FLNB: variants seen among roughly 807,000 people sequenced by gnomAD.
The protein encoded by FLNB is filamin-B.
Under a neutral mutation model 250.6 loss-of-function variants are expected in FLNB, and 111 were observed. That is an observed-to-expected ratio of 0.44 (90% confidence interval 0.38 to 0.52). The LOEUF (loss-of-function observed/expected upper bound fraction) is 0.52. Ranked by LOEUF, FLNB falls within the 20% of genes least tolerant of loss-of-function variation. The pLI, the probability that FLNB is intolerant of heterozygous loss-of-function variation, is 0.00. For synonymous variants in FLNB, 1,302 were observed against 1,372.1 expected (o/e 0.95, Z 1.13); for missense variants, 2,869 against 3,447.8 (o/e 0.83, Z 4.20).
At chr3:58,138,224 T>C (rs2097319898) in intron 28 of FLNB, 58 bp from the exon 29 acceptor site, 3 of 1,610,832 alleles carry the variant, frequency 1.9e-6, no homozygotes, top group Non-Finnish European at 2.5e-6. Flanking sequence ...TGATTTGTTC[T>C]TGGGCCTCCA....
At chr3:58,014,492 C>G (rs1052741823) in intron 1 of FLNB, among the ~76,000 whole-genome samples, 5 of 152,236 alleles carry the variant, frequency 3.3e-5, no homozygotes, top group African/African-American at 9.6e-5. Flanking sequence ...AGCCAGCATG[C>G]CAGTCGGCAG....
chr3:58,146,989 C>T lies in FLNB; in HGVS notation c.5724C>T (p.Ile1908=), dbSNP rs764906046. The T allele has an allele frequency of 1.2e-6, 2 of 1,613,900 alleles. No homozygotes were observed. The highest frequency in any genetic ancestry group is 1.7e-6 in the Non-Finnish European group (2 of 1,180,000). ...HIPGSPFTAK[I]TDDSRRCSQV... is the part of the protein sequence containing the mutation. ...CTGGCAGCCCCTTCACAGCCAAGAT[C>T]ACAGGTAGGGTTGTCTGGCTTCTGG... Residue 1908 remains isoleucine (I), a synonymous_variant, in exon 34 of 46, where the codon ATC becomes ATT. Transcript: ENST00000295956.
chr3:58,105,014 G>A (rs533420722), intron 10 of FLNB, 66 bp from the exon 11 acceptor site: 2 of 1,604,814 alleles, frequency 1.2e-6, no homozygotes, highest in Admixed American at 1.7e-5. Context: ...AGGAACTGCA[G>A]CTTATGGCTA....
At position 58,096,197 on chromosome 3, in the gene FLNB, C is replaced by G. The variant is rs1210835784; in HGVS notation, c.963C>G (p.Pro321=). 6.2e-7 allele frequency: 1 copy of G among 1,613,780 alleles called. No individual in the cohort carries two copies. The highest frequency in any genetic ancestry group is 8.5e-7 in the Non-Finnish European group (1 of 1,179,836). The change falls in exon 6 of 46, where the codon CCC becomes CCG. Residue 321 remains proline, a synonymous_variant. Transcript: ENST00000295956. The part of the protein sequence containing the change: ...KNKTYSVEYL[P]KVTGLHKVTV... ...AGACATACTCTGTGGAGTATCTGCC[C>G]AAGGTCACCGGGCTACACAAAGTAA...
chr3:58,134,344 C>T (rs187738120), intron 26 of FLNB, among the ~76,000 whole-genome samples: 5 of 152,248 alleles, frequency 3.3e-5, no homozygotes, highest in Admixed American at 2.6e-4. Context: ...CCCACCAGGC[C>T]CCCTGGTCTT....
chr3:58,136,089 C>T lies in FLNB; in HGVS notation c.4782C>T (p.Tyr1594=), dbSNP rs779187199. 3.1e-6 allele frequency: 5 copies of T among 1,614,088 alleles called. No individual in the cohort carries two copies. The highest frequency in any genetic ancestry group is 1.3e-5 in the African/African-American group (1 of 74,934). ...KTGRYMIGVT[Y]GGDDIPLSPY... Reference sequence around the variant, plus strand: ...GGCGCTATATGATTGGAGTCACCTACGGGGGTGACGACATCCCACTTTCTC... The same window carrying T: ...GGCGCTATATGATTGGAGTCACCTATGGGGGTGACGACATCCCACTTTCTC... The change falls in exon 28 of 46, where the codon TAC becomes TAT. Residue 1594 remains tyrosine (Y), a synonymous_variant. Transcript: ENST00000295956.
intron 1 of FLNB, among the ~76,000 whole-genome samples, chr3:58,052,266 TAATC>T (rs1222508278): frequency 1.3e-5 from 2 of 152,190 alleles, no homozygotes; most frequent in African/African-American, 4.8e-5. Flanking sequence ...TAGGAAAAAT[TAATC>T]AGGAAAAATC....
intron 24 of FLNB, among the ~76,000 whole-genome samples, chr3:58,127,018 G>A (rs919895457): frequency 2.0e-4 from 31 of 152,262 alleles, no homozygotes; most frequent in South Asian, 4.2e-4. Context: ...TTGATTCAGG[G>A]GAAAGCTGGT....
intron 1 of FLNB, among the ~76,000 whole-genome samples, chr3:58,056,097 A>ATTTTT (rs1434814413): frequency 7.6e-6 from 1 of 131,472 alleles, no homozygotes; most frequent in African/African-American, 4.1e-5. Flanking sequence ...TTATTTATTT[A>ATTTTT]TTTATTTATT....
intron 24 of FLNB, among the ~76,000 whole-genome samples, chr3:58,128,518 C>G (rs533586313): frequency 6.6e-6 from 1 of 152,222 alleles, no homozygotes; most frequent in South Asian, 2.1e-4. Context: ...GTGATGACTG[C>G]TATGAAGAAT....
At chr3:58,155,032 T>G in intron 40 of FLNB, 104 bp downstream of exon 40, 2 of 1,160,662 alleles carry the variant, frequency 1.7e-6, no homozygotes, top group Non-Finnish European at 2.6e-6. Flanking sequence ...GAGGAATCTA[T>G]GTGTATGGGC....
At chr3:58,009,913 G>C (rs1483408116) in intron 1 of FLNB, among the ~76,000 whole-genome samples, 1 of 152,200 alleles carries the variant, frequency 6.6e-6, no homozygotes, top group Non-Finnish European at 1.5e-5. Context: ...GCTTCCCAGA[G>C]GGCCACAAGG....
intron 1 of FLNB, among the ~76,000 whole-genome samples, chr3:58,067,571 G>GTT (rs2097187480): frequency 8.6e-6 from 1 of 115,886 alleles, no homozygotes; most frequent in Admixed American, 8.5e-5. Flanking sequence ...GTAACAAAGA[G>GTT]GTTTTTTTTG....
chr3:58,078,440 T>C, intron 2 of FLNB: 1 of 1,535,476 alleles, frequency 6.5e-7, no homozygotes, highest in Non-Finnish European at 8.7e-7. Context: ...AAGCTTTGTT[T>C]ATTTTTTAAC....
At chr3:58,053,508 T>C (rs1364910680) in intron 1 of FLNB, among the ~76,000 whole-genome samples, 1 of 152,238 alleles carries the variant, frequency 6.6e-6, no homozygotes, top group Non-Finnish European at 1.5e-5. Context: ...TCACCCGGGC[T>C]GGAGTGCAGT....
chr3:58,030,434 G>C (rs1559645737), intron 1 of FLNB, among the ~76,000 whole-genome samples: 1 of 152,114 alleles, frequency 6.6e-6, no homozygotes. Context: ...TCCTAAAGCT[G>C]GTTCTCCTGT....
chr3:58,111,913 C>T, intron 17 of FLNB, 32 bp downstream of exon 17: 1 of 1,560,728 alleles, frequency 6.4e-7, no homozygotes, highest in Non-Finnish European at 8.8e-7. Context: ...GTCCTGGGCC[C>T]CTCTGCCAGC....
intron 8 of FLNB, among the ~76,000 whole-genome samples, chr3:58,100,372 A>AT (rs1366513224): frequency 0.018 from 2,151 of 119,372 alleles, 27 homozygotes; most frequent in Middle Eastern, 0.027. Context: ...TGTAAAAAAA[A>AT]AATATATATA....
intron 25 of FLNB, chr3:58,132,447 T>C (rs1357124311): frequency 2.4e-6 from 1 of 414,444 alleles, no homozygotes; most frequent in Non-Finnish European, 4.5e-6. Flanking sequence ...TAGAGTAAAA[T>C]TGCCACATCC....
Sources: allele counts gnomAD v4.1 joint callset (sites outside exome capture counted in the v4.1 genomes callset), GRCh38; gene constraint gnomAD v4.1.1; transcripts MANE v1.5; gene names NCBI Gene and HGNC (gene_info 2026-07-23, HGNC 2026-07-21).